PIR: variants seen among roughly 807,000 people sequenced by gnomAD.
PIR encodes pirin.
PIR carries 22 observed loss-of-function variants against 24.2 expected under a neutral mutation model. The observed-to-expected ratio is 0.91, with a 90% CI of 0.65 to 1.30. The LOEUF (loss-of-function observed/expected upper bound fraction) is 1.30. PIR is among the 50% of genes most tolerant of loss of function. PIR has a pLI of 0.00. For missense variants in PIR, 220 were observed against 220.3 expected (o/e 1.00, Z 0.01); for synonymous variants, 80 against 79.6 (o/e 1.00, Z -0.03).
At chrX:15,484,961 T>C (rs180861387) in intron 2 of PIR, among the ~76,000 whole-genome samples, 64 of 112,095 alleles carry the variant, frequency 5.7e-4, no homozygotes, top group Middle Eastern at 4.6e-3. Context: ...AACTTAAAGA[T>C]TTGGGAAATT....
At chrX:15,390,299 A>T (rs1356769006) in intron 8 of PIR, 48 bp from the exon 9 acceptor site, 1 of 710,241 alleles carries the variant, frequency 1.4e-6, no homozygotes, top group Non-Finnish European at 2.1e-6. Context: ...CTTATTTTTG[A>T]AGATCAAATT....
chrX:15,447,875 G>GT (rs1380725176), intron 5 of PIR, among the ~76,000 whole-genome samples: 1 of 111,827 alleles, frequency 8.9e-6, no homozygotes, highest in Non-Finnish European at 1.9e-5. Context: ...GACACCTTGG[G>GT]TTTTTTTAAT....
intron 3 of PIR, among the ~76,000 whole-genome samples, chrX:15,477,655 A>G (rs943081457): frequency 1.2e-5 from 1 of 83,863 alleles, no homozygotes; most frequent in African/African-American, 4.7e-5. Context: ...CATTTTAAAC[A>G]GTGAAATTAC....
chrX:15,492,332 T>C (rs1366895307), intron 1 of PIR, among the ~76,000 whole-genome samples: 1 of 111,543 alleles, frequency 9.0e-6, no homozygotes, highest in African/African-American at 3.3e-5. Flanking sequence ...GGACCAGCTG[T>C]TCTTGGCAAT....
At chrX:15,386,870 A>T (rs1923768185) in intron 9 of PIR, among the ~76,000 whole-genome samples, 1 of 110,062 alleles carries the variant, frequency 9.1e-6, no homozygotes, top group Non-Finnish European at 1.9e-5. Flanking sequence ...GAATCACTGT[A>T]AGGTTAAGTA....
chrX:15,464,448 A>G (rs1921453856), intron 3 of PIR: 1 of 748,076 alleles, frequency 1.3e-6, no homozygotes, highest in Non-Finnish European at 1.6e-6. Context: ...TTTATTTTAC[A>G]TAGACGCTGA....
At chrX:15,414,516 C>T (rs961251710) in intron 6 of PIR, among the ~76,000 whole-genome samples, 5 of 111,732 alleles carry the variant, frequency 4.5e-5, no homozygotes, top group African/African-American at 1.6e-4. Context: ...TTTAGGCATT[C>T]GAACTTAGAT....
In PIR at chrX:15,491,241, T is replaced by C. The variant is rs1923142171; in HGVS notation, c.17A>G (p.Lys6Arg). The change falls in exon 2 of 10, where the codon AAA becomes AGA. Residue 6 changes from lysine to arginine, a missense_variant. Coordinates refer to ENST00000380420, the MANE Select transcript of PIR (RefSeq NM_001018109.3). Reference protein sequence around the residue: MGSSKKVTLSVLSREQ... With the variant: MGSSKRVTLSVLSREQ... ...CCGGCTGAGCACTGAGAGAGTAACT[T>C]TCTTGGAGGACCCCATATCGGAGTC... is the stretch of plus-strand genomic sequence containing the variant. 1 of 1,195,140 alleles carries C rather than the reference T, an allele frequency of 8.4e-7. No homozygotes were observed. The highest frequency in any genetic ancestry group is 1.1e-6 in the Non-Finnish European group (1 of 883,786).
chrX:15,484,425 C>T (rs749046177), intron 2 of PIR, among the ~76,000 whole-genome samples: 2 of 105,935 alleles, frequency 1.9e-5, no homozygotes, highest in East Asian at 5.9e-4. Context: ...AGCAATGCGC[C>T]CGCCTCAGTG....
chrX:15,438,747 T>C (rs992148568), intron 5 of PIR, among the ~76,000 whole-genome samples: 1 of 111,329 alleles, frequency 9.0e-6, no homozygotes, highest in Non-Finnish European at 1.9e-5. Context: ...TCGTCTTGAT[T>C]GTCCTCTCAG....
chrX:15,474,054 C>T (rs990450824), intron 3 of PIR, among the ~76,000 whole-genome samples: 2 of 111,542 alleles, frequency 1.8e-5, no homozygotes, highest in Non-Finnish European at 3.8e-5. Context: ...AAGAAAACTT[C>T]GGACAAATTA....
Position 15,484,321 on chromosome X carries a change from T to C in PIR, c.97-4500A>G, listed in dbSNP as rs953807347. Among the ~76,000 whole-genome samples, 12 of 94,374 alleles carry C rather than the reference T, an allele frequency of 1.3e-4. 1 individual carries two copies. Among genetic ancestry groups the C allele is most frequent in the African/African-American group, 4.2e-4 (11 of 26,243 alleles). The allele number at this position is 94,374 out of a possible 115,157, so 82.0% of individuals were successfully genotyped here. ...TCTCAATTTTCTTTTTTTTTTTTTT[T>C]TTTTTTTTTTTGAGACAGGGTCTCA... On this transcript the variant is annotated intron_variant, in intron 2 of 9. Transcript: ENST00000380420.
At chrX:15,417,336 A>G (rs1244487205) in intron 6 of PIR, among the ~76,000 whole-genome samples, 1 of 112,633 alleles carries the variant, frequency 8.9e-6, no homozygotes, top group Non-Finnish European at 1.9e-5. Context: ...CTAAGGCACA[A>G]AGTTTTGGGG....
rs1480564625 is a variant in PIR at position 15,462,018 on chromosome X, T to A, written c.190-2278A>T. On this transcript the variant is annotated intron_variant, in intron 3 of 9. Transcript: ENST00000380420. The stretch of plus-strand genomic sequence containing the variant: ...ATCAGTAGTCAACTATGGTAGGCAT[T>A]TTGTGTAGATAGAAAAACCTTCCCA... 2.7e-5 allele frequency among the ~76,000 whole-genome samples: 3 copies of A among 111,549 alleles called. No individual in the cohort carries two copies. The East Asian group carries it at 8.4e-4, about 31-fold the overall frequency.
chrX:15,415,461 T>TA (rs1197127675), intron 6 of PIR, among the ~76,000 whole-genome samples: 1 of 112,146 alleles, frequency 8.9e-6, no homozygotes, highest in Non-Finnish European at 1.9e-5. Flanking sequence ...AACCATGTTT[T>TA]AAAAAATGTA....
chrX:15,469,690 T>C (rs780831706), intron 3 of PIR, among the ~76,000 whole-genome samples: 1 of 111,334 alleles, frequency 9.0e-6, no homozygotes, highest in South Asian at 3.8e-4. Context: ...AATTAGGTTG[T>C]AGTAAGTTAT....
intron 3 of PIR, among the ~76,000 whole-genome samples, chrX:15,477,899 T>C (rs978792448): frequency 3.1e-4 from 34 of 111,005 alleles, no homozygotes; most frequent in African/African-American, 8.5e-4. Context: ...AACTGACAAA[T>C]AATTACAGTT....
At chrX:15,473,544 A>T (rs1161394458) in intron 3 of PIR, among the ~76,000 whole-genome samples, 1 of 110,766 alleles carries the variant, frequency 9.0e-6, no homozygotes, top group Non-Finnish European at 1.9e-5. Flanking sequence ...ATACTTTTTT[A>T]TTTTTATTTA....
chrX:15,391,350 T>C (rs1267295516), intron 8 of PIR, among the ~76,000 whole-genome samples: 1 of 112,157 alleles, frequency 8.9e-6, no homozygotes, highest in Non-Finnish European at 1.9e-5. Flanking sequence ...CTACAAAAAT[T>C]TGCTAATTTT....
Sources: allele counts gnomAD v4.1 joint callset (sites outside exome capture counted in the v4.1 genomes callset), GRCh38; gene constraint gnomAD v4.1.1; transcripts MANE v1.5; gene names NCBI Gene and HGNC (gene_info 2026-07-23, HGNC 2026-07-21).